The following CFAP299 variants were observed in gnomAD, a reference collection of about 807,000 sequenced individuals.
CFAP299 encodes cilia- and flagella-associated protein 299.
A neutral mutation model predicts 27.0 loss-of-function variants in CFAP299; 21 were observed. The observed-to-expected ratio is 0.78, with a 90% CI of 0.55 to 1.12. The LOEUF (loss-of-function observed/expected upper bound fraction) is 1.12, where lower values mean the gene tolerates loss of function less well. Among genes scored for constraint, CFAP299 ranks in the 50% most tolerant of loss-of-function variants. The pLI is 0.00. For synonymous variants in CFAP299, 104 were observed against 98.1 expected (o/e 1.06, Z -0.36); for missense variants, 310 against 276.6 (o/e 1.12, Z -0.86).
At chr4:80,948,507 C>T (rs1737589859) in intron 5 of CFAP299, among the ~76,000 whole-genome samples, 1 of 152,004 alleles carries the variant, frequency 6.6e-6, no homozygotes, top group Admixed American at 6.6e-5. Context: ...TGCACTCTGT[C>T]CAATATATTA....
chr4:80,451,443 T>C (rs1352086894), intron 2 of CFAP299, among the ~76,000 whole-genome samples: 2 of 152,186 alleles, frequency 1.3e-5, no homozygotes, highest in African/African-American at 4.8e-5. Flanking sequence ...GCTCAAAATA[T>C]AGGGGTCTAT....
chr4:80,450,614 A>G (rs761897814), intron 2 of CFAP299, among the ~76,000 whole-genome samples: 2 of 151,962 alleles, frequency 1.3e-5, no homozygotes, highest in Admixed American at 1.3e-4. Flanking sequence ...GAAAGCATAC[A>G]AGATTTACAT....
At chr4:80,741,423 C>A (rs1483334813) in intron 3 of CFAP299, among the ~76,000 whole-genome samples, 2 of 151,980 alleles carry the variant, frequency 1.3e-5, no homozygotes, top group Non-Finnish European at 2.9e-5. Flanking sequence ...AGGACTGAGT[C>A]CCTCCCTTTA....
intron 2 of CFAP299, among the ~76,000 whole-genome samples, chr4:80,510,055 A>T (rs1052785854): frequency 6.6e-6 from 1 of 152,084 alleles, no homozygotes; most frequent in Admixed American, 6.6e-5. Context: ...CCATCTTGAA[A>T]TTCTTAATAA....
upstream of CFAP299, among the ~76,000 whole-genome samples, chr4:80,333,427 A>G (rs1722012763): frequency 6.6e-6 from 1 of 152,188 alleles, no homozygotes; most frequent in African/African-American, 2.4e-5. Context: ...CTACAATATG[A>G]TAACATATTA....
intron 2 of CFAP299, among the ~76,000 whole-genome samples, chr4:80,445,608 C>T (rs1340057198): frequency 6.6e-6 from 1 of 151,976 alleles, no homozygotes; most frequent in Non-Finnish European, 1.5e-5. Flanking sequence ...ACCACCATGG[C>T]ACATGTATAC....
intron 4 of CFAP299, among the ~76,000 whole-genome samples, chr4:80,889,676 G>A (rs546691165): frequency 1.3e-5 from 2 of 151,964 alleles, no homozygotes; most frequent in African/African-American, 4.8e-5. Context: ...ATCTAAAATG[G>A]AAAACTGCAG....
chr4:80,907,432 G>A (rs373499118), intron 4 of CFAP299, among the ~76,000 whole-genome samples: 78 of 152,096 alleles, frequency 5.1e-4, no homozygotes, highest in African/African-American at 1.5e-3. Flanking sequence ...CCCACTCCCC[G>A]TACCAATTTA....
At chr4:80,855,388 T>C (rs1731791317) in intron 3 of CFAP299, among the ~76,000 whole-genome samples, 1 of 151,864 alleles carries the variant, frequency 6.6e-6, no homozygotes, top group Non-Finnish European at 1.5e-5. Flanking sequence ...TTTTATCTTA[T>C]TTTCTTTTTA....
intron 4 of CFAP299, among the ~76,000 whole-genome samples, chr4:80,909,423 GAAAT>G (rs1735358397): frequency 6.6e-6 from 1 of 151,778 alleles, no homozygotes; most frequent in South Asian, 2.1e-4. Context: ...GCAGATATGA[GAAAT>G]AAATCTAGTA....
chr4:80,488,993 C>G (rs956755511), intron 2 of CFAP299, among the ~76,000 whole-genome samples: 2 of 152,184 alleles, frequency 1.3e-5, no homozygotes, highest in African/African-American at 4.8e-5. Flanking sequence ...TGTACTGATT[C>G]ACCTTTAGTG....
intron 1 of CFAP299, among the ~76,000 whole-genome samples, chr4:80,338,552 T>C (rs1311611814): frequency 6.6e-6 from 1 of 152,218 alleles, no homozygotes; most frequent in Non-Finnish European, 1.5e-5. Flanking sequence ...ACAGTTGGAC[T>C]AGATTATTCA....
At chr4:80,873,805 C>G (rs1733234371) in intron 4 of CFAP299, among the ~76,000 whole-genome samples, 1 of 152,164 alleles carries the variant, frequency 6.6e-6, no homozygotes, top group South Asian at 2.1e-4. Flanking sequence ...AGATCTAAGG[C>G]TTGCCTATAG....
At chr4:80,738,725 G>A (rs188942493) in intron 3 of CFAP299, among the ~76,000 whole-genome samples, 10 of 150,554 alleles carry the variant, frequency 6.6e-5, no homozygotes, top group East Asian at 2.0e-4. Flanking sequence ...GTACATTTAC[G>A]TAAATTCAAT....
intron 2 of CFAP299, among the ~76,000 whole-genome samples, chr4:80,460,420 T>C (rs1019441177): frequency 6.6e-6 from 1 of 152,158 alleles, no homozygotes; most frequent in Non-Finnish European, 1.5e-5. Context: ...AAATATTATA[T>C]ATTTTGGGGT....
intron 3 of CFAP299, among the ~76,000 whole-genome samples, chr4:80,851,455 G>A (rs1560444634): frequency 6.6e-6 from 1 of 151,934 alleles, no homozygotes; most frequent in Non-Finnish European, 1.5e-5. Context: ...ATTATTTCAC[G>A]ATTATGTCAT....
At chr4:80,761,902 A>G (rs1725559384) in intron 3 of CFAP299, among the ~76,000 whole-genome samples, 1 of 152,046 alleles carries the variant, frequency 6.6e-6, no homozygotes. Flanking sequence ...TAAATTATGA[A>G]TCTACAAACA....
chr4:80,761,561 A>C (rs1318721167), intron 3 of CFAP299, among the ~76,000 whole-genome samples: 1 of 152,084 alleles, frequency 6.6e-6, no homozygotes, highest in East Asian at 1.9e-4. Flanking sequence ...ATTAAAATGC[A>C]CAAGCTATAA....
At chr4:80,660,750 A>G (rs921765824) in intron 3 of CFAP299, among the ~76,000 whole-genome samples, 3 of 152,158 alleles carry the variant, frequency 2.0e-5, no homozygotes, top group African/African-American at 4.8e-5. Context: ...AATTTTGAAC[A>G]TGAGTTTTAA....
Sources: gnomAD v4.1 joint callset for allele counts (sites outside exome capture counted in the v4.1 genomes callset) on GRCh38, gnomAD v4.1.1 for gene constraint, MANE v1.5 for transcripts, NCBI Gene and HGNC (gene_info 2026-07-23, HGNC 2026-07-21) for gene names.